The following RIC3 variants were observed in gnomAD, a reference collection of about 807,000 sequenced individuals.
RIC3 encodes RIC3 acetylcholine receptor chaperone.
In RIC3, 28 loss-of-function variants were observed where a neutral mutation model predicts 27.3. The observed-to-expected ratio is 1.02, with a 90% confidence interval of 0.76 to 1.41. RIC3 has a LOEUF of 1.41. Among genes scored for constraint, RIC3 ranks in the 40% most tolerant of loss-of-function variants. The pLI is 0.00. For synonymous variants in RIC3, 184 were observed against 160.4 expected (o/e 1.15, Z -1.11); for missense variants, 501 against 444.7 (o/e 1.13, Z -1.14).
At chr11:8,139,337 C>G (rs984699966) in intron 2 of RIC3, 1 of 153,440 alleles carries the variant, frequency 6.5e-6, no homozygotes, top group Non-Finnish European at 1.4e-5. Flanking sequence ...GGCCAGGGGC[C>G]TGCAAAGGCC....
rs199893880 is a variant in RIC3 at position 8,120,111 on chromosome 11, C to A, written c.670+6548G>T. ...TTGGTGGGAGTGCAAATTAGTTCAACCATTGTGGAAGACAGTGTGGCAATT... is the reference window on the plus strand; with the variant it reads ...TTGGTGGGAGTGCAAATTAGTTCAAACATTGTGGAAGACAGTGTGGCAATT... On this transcript the variant is annotated intron_variant, in intron 5 of 5. Transcript: ENST00000309737. Among the ~76,000 whole-genome samples, 36 of 152,280 alleles carry A rather than the reference C, an allele frequency of 2.4e-4. No homozygotes were observed. In the East Asian group the frequency reaches 6.0e-3, roughly 25 times the overall value.
intron 4 of RIC3, among the ~76,000 whole-genome samples, chr11:8,129,807 T>C (rs1265923620): frequency 6.6e-6 from 1 of 152,232 alleles, no homozygotes; most frequent in Non-Finnish European, 1.5e-5. Context: ...GATCTCACCT[T>C]TCTCCATGGA....
chr11:8,101,681 G>C (rs1328671741), downstream of RIC3: 9 of 1,589,846 alleles, frequency 5.7e-6, no homozygotes, highest in Admixed American at 1.1e-4. Flanking sequence ...CCTGCCTGTG[G>C]AGACAGCCCT....
At chr11:8,136,389 T>G (rs1001236660) in intron 4 of RIC3, among the ~76,000 whole-genome samples, 3 of 152,206 alleles carry the variant, frequency 2.0e-5, no homozygotes, top group Non-Finnish European at 4.4e-5. Context: ...ATTCTGCCAC[T>G]CCCCCTAATA....
At chr11:8,099,414 C>G in the RIC3 span, among the ~76,000 whole-genome samples, 1 of 152,126 alleles carries the variant, frequency 6.6e-6, no homozygotes, top group Non-Finnish European at 1.5e-5. Context: ...GGGTGGGTAT[C>G]TCATCAACCT....
At chr11:8,099,215 A>G in the RIC3 span, among the ~76,000 whole-genome samples, 257 of 152,212 alleles carry the variant, frequency 1.7e-3, 2 homozygotes, top group African/African-American at 6.1e-3. Flanking sequence ...GCCAGGTTCT[A>G]CATGGATTAC....
intron 1 of RIC3, among the ~76,000 whole-genome samples, chr11:8,143,738 A>G (rs1340464339): frequency 1.3e-5 from 2 of 152,210 alleles, no homozygotes; most frequent in Non-Finnish European, 2.9e-5. Flanking sequence ...CTAAGCCAAA[A>G]GAACAAAGCT....
intron 5 of RIC3, among the ~76,000 whole-genome samples, chr11:8,112,498 T>A (rs2134054663): frequency 6.6e-6 from 1 of 152,256 alleles, no homozygotes; most frequent in South Asian, 2.1e-4. Flanking sequence ...TTTCACTATG[T>A]TGGCCAGGCT....
chr11:8,101,290 T>C (rs759621744), downstream of RIC3, among the ~76,000 whole-genome samples: 9 of 152,098 alleles, frequency 5.9e-5, no homozygotes, highest in Non-Finnish European at 1.2e-4. Context: ...CATCTTACTT[T>C]GTCCTTTGCC....
At position 8,140,108 on chromosome 11, in the gene RIC3, A is replaced by C; in HGVS notation, c.210T>G (p.Ser70=). 1 of 1,614,124 alleles carries C rather than the reference A, an allele frequency of 6.2e-7. No individual in the cohort carries two copies. The highest frequency in any genetic ancestry group is 8.5e-7 in the Non-Finnish European group (1 of 1,180,028). The change falls in exon 2 of 6, where the codon TCT becomes TCG. Residue 70 remains serine (S), a synonymous_variant. Coordinates refer to ENST00000309737, the MANE Select transcript of RIC3 (RefSeq NM_001206671.4). Reference sequence around the variant, plus strand: ...CCTTTGCAAATGCCTCGGCAAGGTGAGACCTCTGGAAACGAGCCCCAGGAG... The same window carrying C: ...CCTTTGCAAATGCCTCGGCAAGGTGCGACCTCTGGAAACGAGCCCCAGGAG... ...GQTPGARFQR[S]HLAEAFAKAK...
At chr11:8,159,097 A>C (rs1319992482) in intron 1 of RIC3, among the ~76,000 whole-genome samples, 1 of 151,722 alleles carries the variant, frequency 6.6e-6, no homozygotes, top group South Asian at 2.1e-4. Context: ...TAAGGAGAAA[A>C]AATAAGACAG....
the RIC3 span, chr11:8,098,722 G>T: frequency 1.3e-6 from 2 of 1,487,648 alleles, no homozygotes; most frequent in Non-Finnish European, 1.9e-6. Context: ...GGGGCAGAGG[G>T]TGCATGACTC....
chr11:8,120,643 T>C (rs1402363493), intron 5 of RIC3, among the ~76,000 whole-genome samples: 2 of 151,996 alleles, frequency 1.3e-5, no homozygotes, highest in East Asian at 3.9e-4. Context: ...AACCTGCACG[T>C]TGTACACATG....
At position 8,123,157 on chromosome 11, in the gene RIC3, T is replaced by A. The variant is rs185713583; in HGVS notation, c.670+3502A>T. 1.1e-4 allele frequency among the ~76,000 whole-genome samples: 17 copies of A among 150,508 alleles called. No homozygotes were observed. The East Asian group carries it at 3.3e-3, about 30-fold the overall frequency. ...GAAGACATCAATAAACCTGAAGACA[T>A]AGCAAGAAAAACTATTCAAAACTAA... On this transcript the variant is annotated intron_variant, in intron 5 of 5. Coordinates refer to ENST00000309737, the MANE Select transcript of RIC3 (RefSeq NM_001206671.4).
chr11:8,114,825 C>T (rs111771882), intron 5 of RIC3, among the ~76,000 whole-genome samples: 94 of 151,640 alleles, frequency 6.2e-4, no homozygotes, highest in South Asian at 2.1e-3. Flanking sequence ...CTGAAAAATA[C>T]GAGAATTGAA....
At chr11:8,093,184 G>A in the RIC3 span, among the ~76,000 whole-genome samples, 167 of 152,048 alleles carry the variant, frequency 1.1e-3, no homozygotes, top group African/African-American at 3.9e-3. Context: ...CAGGCACAGC[G>A]TCCCTCGGGA....
In RIC3 at chr11:8,110,032, A is replaced by G. The variant is rs1469790377; in HGVS notation, c.*666T>C. The stretch of plus-strand genomic sequence containing the variant: ...GGAAGCTAGATATCCAGGTAGTATC[A>G]GAGTAAAACAGTCCCCAAACAAGCC... On this transcript the variant is annotated 3_prime_UTR_variant, in exon 6 of 6. Transcript: ENST00000309737. 4.5e-5 allele frequency: 7 copies of G among 155,002 alleles called. 1 individual carries two copies. The highest frequency in any genetic ancestry group is 1.0e-4 in the Non-Finnish European group (7 of 69,920). The allele number at this position is 155,002 out of a possible 1,614,324, so 9.6% of individuals were successfully genotyped here.
chr11:8,165,306 T>C (rs962157766), intron 1 of RIC3, among the ~76,000 whole-genome samples: 5 of 142,588 alleles, frequency 3.5e-5, no homozygotes, highest in African/African-American at 7.9e-5. Context: ...AATTGATTAA[T>C]GAATAAATGA....
Position 8,141,884 on chromosome 11 carries a change from G to A in RIC3, c.125-1691C>T, listed in dbSNP as rs1472635947. Among the ~76,000 whole-genome samples the A allele has an allele frequency of 6.6e-3, 1,005 of 151,832 alleles. 12 individuals are homozygous for A. Among genetic ancestry groups the A allele is most frequent in the African/African-American group, 0.023 (932 of 41,414 alleles). ...AGGATTAAGAATCTCACTCAAAACCGCTCAACTACATGGAAACTGAACAAC... is the reference window on the plus strand; with the variant it reads ...AGGATTAAGAATCTCACTCAAAACCACTCAACTACATGGAAACTGAACAAC... On this transcript the variant is annotated intron_variant, in intron 1 of 5. Coordinates refer to ENST00000309737, the MANE Select transcript of RIC3 (RefSeq NM_001206671.4).
Sources: allele counts gnomAD v4.1 joint callset (sites outside exome capture counted in the v4.1 genomes callset), GRCh38; gene constraint gnomAD v4.1.1; transcripts MANE v1.5; gene names NCBI Gene and HGNC (gene_info 2026-07-23, HGNC 2026-07-21).